FAAH2: variants seen among roughly 807,000 people sequenced by gnomAD.
FAAH2 encodes the protein fatty acid amide hydrolase 2, also known as fatty-acid amide hydrolase 2.
In FAAH2, 60 loss-of-function variants were observed where a neutral mutation model predicts 36.9. That is an observed-to-expected ratio of 1.63 (90% confidence interval 1.32 to 2.02). The LOEUF is 2.02. Ranked by LOEUF, FAAH2 falls within the 30% of genes most tolerant of loss-of-function variation. The pLI is 0.00. For missense variants in FAAH2, 689 were observed against 397.5 expected (o/e 1.73, Z -6.23); for synonymous variants, 214 against 143.8 (o/e 1.49, Z -3.49).
intron 5 of FAAH2, among the ~76,000 whole-genome samples, chrX:57,342,633 T>C (rs997420743): frequency 2.2e-4 from 24 of 111,207 alleles, no homozygotes; most frequent in African/African-American, 7.9e-4. Flanking sequence ...TTCCATATTT[T>C]ATTCTACGTT....
At chrX:57,452,469 A>G (rs1269741290) in intron 10 of FAAH2, 2 of 243,994 alleles carry the variant, frequency 8.2e-6, no homozygotes, top group Non-Finnish European at 1.2e-5. Context: ...GATAAGCTAG[A>G]CACACAAAAT....
chrX:57,488,419 C>T (rs2057513481), intron 10 of FAAH2, among the ~76,000 whole-genome samples: 2 of 111,516 alleles, frequency 1.8e-5, no homozygotes, highest in South Asian at 7.4e-4. Flanking sequence ...TTAGAAATAA[C>T]GTCATGTGAA....
chrX:57,304,643 G>A (rs2052468790), intron 2 of FAAH2, among the ~76,000 whole-genome samples: 1 of 111,861 alleles, frequency 8.9e-6, no homozygotes. Flanking sequence ...TCCCTGTAAG[G>A]CATATGGCAG....
chrX:57,260,764 T>C, the FAAH2 span, among the ~76,000 whole-genome samples: 1 of 111,410 alleles, frequency 9.0e-6, no homozygotes, highest in South Asian at 3.7e-4. Context: ...TGTGTGTATA[T>C]ATATATGAAT....
rs780825898 is a variant in FAAH2 at position 57,399,596 on chromosome X, C to T, written c.996+18567C>T. Among the ~76,000 whole-genome samples, 11 of 111,307 alleles carry T rather than the reference C, an allele frequency of 9.9e-5. No homozygotes were observed. In the East Asian group the frequency reaches 2.0e-3, roughly 20 times the overall value. On this transcript the variant is annotated intron_variant, in intron 7 of 10. Coordinates refer to ENST00000374900, the MANE Select transcript of FAAH2 (RefSeq NM_174912.4). The stretch of plus-strand genomic sequence containing the variant: ...TCTTTTGGCTTCAATATCCACTTGG[C>T]GGTTCCCTTCTATTTCCCTTTTCTT...
At chrX:57,341,155 A>G (rs2053676223) in intron 4 of FAAH2, 116 bp from the exon 5 acceptor site, 1 of 703,657 alleles carries the variant, frequency 1.4e-6, no homozygotes, top group African/African-American at 2.2e-5. Flanking sequence ...TGTGAACAAA[A>G]GACTCACTTT....
At chrX:57,327,617 C>T (rs1055854495) in intron 3 of FAAH2, among the ~76,000 whole-genome samples, 16 of 111,616 alleles carry the variant, frequency 1.4e-4, no homozygotes, top group Admixed American at 4.8e-4. Flanking sequence ...ACCCTTTCTT[C>T]CACTTGATCA....
At chrX:57,343,525 T>C (rs372617314) in intron 5 of FAAH2, among the ~76,000 whole-genome samples, 20 of 111,722 alleles carry the variant, frequency 1.8e-4, no homozygotes, top group Admixed American at 1.4e-3. Context: ...ATTAGACTTA[T>C]GTTGGATGCA....
intron 9 of FAAH2, 55 bp from the exon 10 acceptor site, chrX:57,448,469 T>G: frequency 9.6e-7 from 1 of 1,040,563 alleles, no homozygotes; most frequent in South Asian, 2.2e-5. Flanking sequence ...TAAAGAACAC[T>G]AGGAATTAAA....
the FAAH2 span, among the ~76,000 whole-genome samples, chrX:57,194,027 A>G: frequency 9.0e-6 from 1 of 111,488 alleles, no homozygotes; most frequent in Non-Finnish European, 1.9e-5. Flanking sequence ...CATCAGTTAA[A>G]TATTGGCCTC....
At chrX:57,453,607 A>T (rs1445381327) in intron 10 of FAAH2, among the ~76,000 whole-genome samples, 1 of 109,579 alleles carries the variant, frequency 9.1e-6, no homozygotes. Context: ...ATAACCCAAC[A>T]GCAGGTCAGG....
intron 7 of FAAH2, chrX:57,395,265 G>A: frequency 3.1e-6 from 2 of 646,350 alleles, no homozygotes; most frequent in South Asian, 2.1e-5. Context: ...ATAAAGATTG[G>A]AATCATCTCT....
the FAAH2 span, among the ~76,000 whole-genome samples, chrX:57,163,103 T>G: frequency 8.9e-6 from 1 of 111,927 alleles, no homozygotes; most frequent in Non-Finnish European, 1.9e-5. Flanking sequence ...GCTGCAGGTC[T>G]GTTGGAATAC....
intron 10 of FAAH2, among the ~76,000 whole-genome samples, chrX:57,470,124 C>G (rs2057133492): frequency 9.0e-6 from 1 of 111,416 alleles, no homozygotes; most frequent in African/African-American, 3.3e-5. Context: ...ATTTATAGCA[C>G]TAAATGCCCA....
the FAAH2 span, among the ~76,000 whole-genome samples, chrX:57,261,146 A>C: frequency 8.9e-6 from 1 of 111,988 alleles, no homozygotes; most frequent in South Asian, 3.7e-4. Context: ...ATGTCCATCA[A>C]CAGAGAAATA....
At chrX:57,389,261 C>G (rs1027053381) in intron 7 of FAAH2, among the ~76,000 whole-genome samples, 77 of 68,959 alleles carry the variant, frequency 1.1e-3, no homozygotes, top group South Asian at 2.1e-3. Context: ...CACATACACA[C>G]GCACACACAC....
At chrX:57,267,686 G>A in the FAAH2 span, among the ~76,000 whole-genome samples, 1 of 111,904 alleles carries the variant, frequency 8.9e-6, no homozygotes, top group Non-Finnish European at 1.9e-5. Flanking sequence ...AGAACAAAGG[G>A]CCCAATACAA....
intron 2 of FAAH2, among the ~76,000 whole-genome samples, chrX:57,293,362 G>A (rs1002361834): frequency 1.8e-5 from 2 of 111,971 alleles, no homozygotes; most frequent in Admixed American, 1.9e-4. Flanking sequence ...TGAAATTATA[G>A]ACATTTAAAA....
intron 3 of FAAH2, among the ~76,000 whole-genome samples, chrX:57,329,422 G>C (rs764871346): frequency 2.7e-5 from 3 of 110,904 alleles, no homozygotes; most frequent in African/African-American, 6.6e-5. Context: ...TCCACTTTTT[G>C]CATGCCTAGT....
Sources: gnomAD v4.1 joint callset for allele counts (sites outside exome capture counted in the v4.1 genomes callset) on GRCh38, gnomAD v4.1.1 for gene constraint, MANE v1.5 for transcripts, NCBI Gene and HGNC (gene_info 2026-07-23, HGNC 2026-07-21) for gene names.